The following INPP5A variants were observed in gnomAD, a reference collection of about 807,000 sequenced individuals.
INPP5A encodes the protein inositol polyphosphate-5-phosphatase A.
Under a neutral mutation model 65.2 loss-of-function variants are expected in INPP5A, and 14 were observed. The observed-to-expected ratio is 0.21, with a 90% CI of 0.14 to 0.34. INPP5A has a LOEUF of 0.34. INPP5A is among the 10% of genes least tolerant of loss of function. The pLI is 1.00. For synonymous variants in INPP5A, 207 were observed against 208.3 expected, an observed-to-expected ratio of 0.99 and a Z score of 0.05; for missense variants, 431 against 545.6, an observed-to-expected ratio of 0.79 and a Z score of 2.09.
intron 1 of INPP5A, among the ~76,000 whole-genome samples, chr10:132,579,115 T>C (rs1292225283): frequency 1.3e-5 from 2 of 151,922 alleles, no homozygotes; most frequent in Non-Finnish European, 2.9e-5. Flanking sequence ...GCCGGGCAGC[T>C]GTGAAATGAG....
chr10:132,767,849 C>A (rs1176437524), intron 12 of INPP5A, among the ~76,000 whole-genome samples: 1 of 149,428 alleles, frequency 6.7e-6, no homozygotes, highest in Non-Finnish European at 1.5e-5. Flanking sequence ...TGGACCCCAA[C>A]CCTCAGCGTT....
intron 9 of INPP5A, among the ~76,000 whole-genome samples, chr10:132,746,842 C>T (rs1469834994): frequency 2.0e-5 from 3 of 152,254 alleles, no homozygotes; most frequent in Admixed American, 6.5e-5. Flanking sequence ...GGCCACTTTC[C>T]GCATGAGTGG....
intron 9 of INPP5A, among the ~76,000 whole-genome samples, chr10:132,736,111 C>T (rs1311306432): frequency 2.0e-5 from 3 of 152,250 alleles, no homozygotes; most frequent in Non-Finnish European, 4.4e-5. Context: ...CAACCCACCA[C>T]ATGAAACACG....
chr10:132,745,497 G>T (rs531634122), intron 9 of INPP5A, among the ~76,000 whole-genome samples: 1 of 150,060 alleles, frequency 6.7e-6, no homozygotes, highest in Non-Finnish European at 1.5e-5. Context: ...TTCCCTTCCC[G>T]AGTCCGGGCA....
At chr10:132,593,516 C>G (rs1285869467) in intron 1 of INPP5A, among the ~76,000 whole-genome samples, 1 of 152,198 alleles carries the variant, frequency 6.6e-6, no homozygotes, top group Non-Finnish European at 1.5e-5. Flanking sequence ...ACATGACTTA[C>G]AGGGCATGTC....
chr10:132,733,022 C>T (rs565731608), intron 9 of INPP5A, among the ~76,000 whole-genome samples: 17 of 152,264 alleles, frequency 1.1e-4, no homozygotes, highest in African/African-American at 4.1e-4. Context: ...CCTAGCGCCA[C>T]GCTGCTCCTG....
chr10:132,739,927 T>C (rs1846244409), intron 9 of INPP5A, among the ~76,000 whole-genome samples: 1 of 152,196 alleles, frequency 6.6e-6, no homozygotes, highest in African/African-American at 2.4e-5. Flanking sequence ...GCCGCCTGTG[T>C]CCACCCCAAC....
intron 3 of INPP5A, among the ~76,000 whole-genome samples, chr10:132,646,715 T>C (rs1358769904): frequency 1.3e-5 from 2 of 152,188 alleles, no homozygotes; most frequent in South Asian, 2.1e-4. Context: ...CATGAGGGCT[T>C]CTGGGACCAG....
intron 2 of INPP5A, among the ~76,000 whole-genome samples, chr10:132,628,702 A>C (rs1306754819): frequency 1.3e-5 from 2 of 152,222 alleles, no homozygotes; most frequent in African/African-American, 4.8e-5. Context: ...CTGGTTTAAC[A>C]ATTTTTATAA....
intron 1 of INPP5A, among the ~76,000 whole-genome samples, chr10:132,544,263 C>T (rs2070940650): frequency 6.6e-6 from 1 of 152,246 alleles, no homozygotes; most frequent in South Asian, 2.1e-4. Context: ...GGGCCCTGCT[C>T]TGCCGCTCCG....
At chr10:132,711,010 CCCCAAG>C (rs1845628106) in intron 8 of INPP5A, among the ~76,000 whole-genome samples, 1 of 152,170 alleles carries the variant, frequency 6.6e-6, no homozygotes, top group Non-Finnish European at 1.5e-5. Context: ...GTGGCAGAGC[CCCCAAG>C]CCCTGGCAAA....
rs572387919 is a variant in INPP5A at position 132,587,389 on chromosome 10, A to G, written c.76-20526A>G. ...AGCCTGCTTCTGCTGCTGCCAGCAC[A>G]GCCCATGGTGTGCTCTGTGGGGCTG... On this transcript the variant is annotated intron_variant, in intron 1 of 15. Transcript: ENST00000368594. This position sits in a 1 kb window ranked among gnomAD's most constrained non-coding sequence, Gnocchi z 4.3. 3.7e-4 allele frequency among the ~76,000 whole-genome samples: 57 copies of G among 152,292 alleles called. No homozygotes were observed. Among genetic ancestry groups the G allele is most frequent in the African/African-American group, 1.3e-3 (54 of 41,564 alleles).
chr10:132,743,197 G>C (rs1846306360), intron 9 of INPP5A, among the ~76,000 whole-genome samples: 1 of 134,572 alleles, frequency 7.4e-6, no homozygotes, highest in Non-Finnish European at 1.7e-5. Flanking sequence ...CCACCCACCA[G>C]CGCTGCACTC....
At chr10:132,660,362 T>C (rs974247823) in intron 4 of INPP5A, among the ~76,000 whole-genome samples, 1 of 152,226 alleles carries the variant, frequency 6.6e-6, no homozygotes, top group Admixed American at 6.5e-5. Context: ...ACTAGAAGAC[T>C]GAAGTGGACA....
chr10:132,617,231 G>C (rs2072047954), intron 2 of INPP5A, among the ~76,000 whole-genome samples: 1 of 152,150 alleles, frequency 6.6e-6, no homozygotes, highest in Admixed American at 6.5e-5. Context: ...CTTGGCCCTG[G>C]GCTCTGGCTC....
At chr10:132,683,157 T>A (rs1377996111) in intron 4 of INPP5A, among the ~76,000 whole-genome samples, 1 of 150,980 alleles carries the variant, frequency 6.6e-6, no homozygotes, top group Non-Finnish European at 1.5e-5. Flanking sequence ...ATGTGTTGTA[T>A]TATATACATA....
chr10:132,599,665 T>C (rs943236534), intron 1 of INPP5A, among the ~76,000 whole-genome samples: 2 of 152,234 alleles, frequency 1.3e-5, no homozygotes, highest in African/African-American at 4.8e-5. Context: ...TGACCCCACA[T>C]TACCCTTCTG....
chr10:132,584,275 A>T (rs2071521493), intron 1 of INPP5A, among the ~76,000 whole-genome samples: 2 of 152,220 alleles, frequency 1.3e-5, no homozygotes, highest in Non-Finnish European at 2.9e-5. Context: ...GGAAAGTGTC[A>T]TCCCTCCTCT....
chr10:132,674,823 GTC>G lies in INPP5A; in HGVS notation c.307-15564_307-15563del, dbSNP rs1214756910. Among the ~76,000 whole-genome samples, 1 of 152,168 alleles carries G rather than the reference GTC, an allele frequency of 6.6e-6. No homozygotes were observed. Among genetic ancestry groups the G allele is most frequent in the Non-Finnish European group, 1.5e-5 (1 of 68,034 alleles). On this transcript the variant is annotated intron_variant, in intron 4 of 15. Coordinates refer to ENST00000368594, the MANE Select transcript of INPP5A (RefSeq NM_005539.5). This position sits in a 1 kb window ranked among gnomAD's most constrained non-coding sequence, Gnocchi z 4.4. Reference sequence around the variant, plus strand: ...AAAGCCCAGTAACAGGCCAAGAGCTGTCTCTCAAAAGGAGAGTAGTTACCTGC... The same window carrying G: ...AAAGCCCAGTAACAGGCCAAGAGCTGTCTCAAAAGGAGAGTAGTTACCTGC...
Sources: gnomAD v4.1 joint callset for allele counts (sites outside exome capture counted in the v4.1 genomes callset) on GRCh38, gnomAD v4.1.1 for gene constraint, Gnocchi (gnomAD v3.1) non-coding constraint, MANE v1.5 for transcripts, NCBI Gene and HGNC (gene_info 2026-07-23, HGNC 2026-07-21) for gene names.